The following HS3ST4 variants were observed in gnomAD, a reference collection of about 807,000 sequenced individuals.
The protein encoded by HS3ST4 is heparan sulfate glucosamine 3-O-sulfotransferase 4.
HS3ST4 carries 17 observed loss-of-function variants against 29.2 expected under a neutral mutation model. The observed-to-expected ratio is 0.58, with a 90% CI of 0.40 to 0.87. HS3ST4 has a LOEUF of 0.87. Ranked by LOEUF, HS3ST4 falls within the 40% of genes least tolerant of loss-of-function variation. HS3ST4 has a pLI of 0.00. For synonymous variants in HS3ST4, 314 were observed against 285.7 expected (o/e 1.10, Z -1.00); for missense variants, 627 against 634.5 (o/e 0.99, Z 0.13).
In HS3ST4 at chr16:26,005,369, G is replaced by A. The variant is rs141225127; in HGVS notation, c.735-130243G>A. ...AATCAATATGTGTATTTAGCGCTGG[G>A]CTTTATTTCCACACTAAGTGACGGG... On this transcript the variant is annotated intron_variant, in intron 1 of 1. Coordinates refer to ENST00000331351, the MANE Select transcript of HS3ST4 (RefSeq NM_006040.3). Among the ~76,000 whole-genome samples, 11 of 152,246 alleles carry A rather than the reference G, an allele frequency of 7.2e-5. No individual in the cohort carries two copies. The East Asian group carries it at 2.1e-3, about 29-fold the overall frequency.
chr16:26,115,571 T>C (rs1433582287), intron 1 of HS3ST4, among the ~76,000 whole-genome samples: 1 of 152,000 alleles, frequency 6.6e-6, no homozygotes, highest in Non-Finnish European at 1.5e-5. Context: ...CATTTGGACC[T>C]GGAAAAAGAA....
intron 1 of HS3ST4, among the ~76,000 whole-genome samples, chr16:25,717,903 T>G (rs189122093): frequency 3.4e-4 from 51 of 152,144 alleles, no homozygotes; most frequent in Admixed American, 2.3e-3. Context: ...GGAAAAACAT[T>G]TCTGGTGGCT....
chr16:26,065,731 G>T (rs1275030350), intron 1 of HS3ST4, among the ~76,000 whole-genome samples: 1 of 152,180 alleles, frequency 6.6e-6, no homozygotes, highest in Non-Finnish European at 1.5e-5. Context: ...GAGGCAAAAT[G>T]ATGTGCATGA....
At chr16:26,018,669 G>A (rs955837728) in intron 1 of HS3ST4, among the ~76,000 whole-genome samples, 1 of 152,086 alleles carries the variant, frequency 6.6e-6, no homozygotes, top group African/African-American at 2.4e-5. Flanking sequence ...CTACTTTTGA[G>A]CATTTAACAT....
chr16:25,853,390 T>G (rs1001557387), intron 1 of HS3ST4, among the ~76,000 whole-genome samples: 5 of 152,118 alleles, frequency 3.3e-5, no homozygotes, highest in Admixed American at 2.6e-4. Flanking sequence ...GCGTTTAATT[T>G]CTTTCTTTCT....
intron 1 of HS3ST4, among the ~76,000 whole-genome samples, chr16:25,773,495 C>T (rs151283546): frequency 0.012 from 1,901 of 152,188 alleles, 19 homozygotes; most frequent in East Asian, 0.048. Flanking sequence ...CTCATAAACC[C>T]CTTTAACTCT....
At position 25,926,297 on chromosome 16, in the gene HS3ST4, C is replaced by T. The variant is rs75019776; in HGVS notation, c.735-209315C>T. Among the ~76,000 whole-genome samples the T allele has an allele frequency of 4.0e-3, 612 of 152,308 alleles. 5 individuals are homozygous for T. The highest frequency in any genetic ancestry group is 0.014 in the African/African-American group (587 of 41,562). On this transcript the variant is annotated intron_variant, in intron 1 of 1. Transcript: ENST00000331351. Reference sequence around the variant, plus strand: ...TTCACCTCTCCGAACACTGGGACTCCCCCTGGCAGTAATTCTGCCCTGTGA... The same window carrying T: ...TTCACCTCTCCGAACACTGGGACTCTCCCTGGCAGTAATTCTGCCCTGTGA...
chr16:26,055,206 G>A (rs1898392979), intron 1 of HS3ST4, among the ~76,000 whole-genome samples: 2 of 152,032 alleles, frequency 1.3e-5, no homozygotes, highest in Admixed American at 6.6e-5. Context: ...CAGAGAGGAA[G>A]GCACAGGATT....
intron 1 of HS3ST4, among the ~76,000 whole-genome samples, chr16:26,102,332 T>C (rs1163322290): frequency 6.6e-6 from 1 of 152,164 alleles, no homozygotes; most frequent in African/African-American, 2.4e-5. Flanking sequence ...CTTCTGATAT[T>C]TCTTCCCTAC....
At chr16:25,955,817 CTTTTT>C (rs67504831) in intron 1 of HS3ST4, among the ~76,000 whole-genome samples, 2 of 142,168 alleles carry the variant, frequency 1.4e-5, no homozygotes, top group African/African-American at 5.3e-5. Context: ...GTGATGTATA[CTTTTT>C]TTTTTTTTTT....
intron 1 of HS3ST4, among the ~76,000 whole-genome samples, chr16:25,807,139 A>AT (rs935009939): frequency 2.6e-5 from 4 of 151,936 alleles, no homozygotes; most frequent in African/African-American, 9.7e-5. Flanking sequence ...TGCCTGGCTA[A>AT]TTTTTTATAT....
chr16:25,902,852 C>T (rs73515369), intron 1 of HS3ST4, among the ~76,000 whole-genome samples: 6,295 of 152,014 alleles, frequency 0.041, 445 homozygotes, highest in African/African-American at 0.14. Flanking sequence ...AATTCCAGCA[C>T]CTTAGGAGGC....
intron 1 of HS3ST4, among the ~76,000 whole-genome samples, chr16:25,894,399 G>A (rs1238319997): frequency 6.6e-6 from 1 of 152,138 alleles, no homozygotes; most frequent in Non-Finnish European, 1.5e-5. Context: ...AAGCAGATCC[G>A]AAAGCAGAGT....
intron 1 of HS3ST4, among the ~76,000 whole-genome samples, chr16:25,911,506 T>G (rs1028850950): frequency 9.9e-5 from 14 of 140,940 alleles, no homozygotes; most frequent in Non-Finnish European, 2.2e-4. Context: ...GTTTTTTTTT[T>G]TTTTTTTTTT....
intron 1 of HS3ST4, among the ~76,000 whole-genome samples, chr16:26,085,661 A>G (rs1457050006): frequency 6.6e-6 from 1 of 152,126 alleles, no homozygotes; most frequent in Non-Finnish European, 1.5e-5. Context: ...TCTTGAGATC[A>G]TGACTTCAAG....
At chr16:25,909,653 T>C (rs1034526094) in intron 1 of HS3ST4, among the ~76,000 whole-genome samples, 2 of 152,226 alleles carry the variant, frequency 1.3e-5, no homozygotes, top group Admixed American at 6.5e-5. Flanking sequence ...GGTGAATGTT[T>C]AACTGAGATC....
chr16:26,062,437 T>A (rs1400132340), intron 1 of HS3ST4, among the ~76,000 whole-genome samples: 1 of 152,298 alleles, frequency 6.6e-6, no homozygotes, highest in East Asian at 1.9e-4. Context: ...TCTGCCATGA[T>A]AACATATTGG....
At chr16:26,071,177 T>C (rs1038371409) in intron 1 of HS3ST4, among the ~76,000 whole-genome samples, 4 of 152,158 alleles carry the variant, frequency 2.6e-5, no homozygotes, top group Non-Finnish European at 5.9e-5. Context: ...CCACAAACCC[T>C]GGAGATGCAA....
At chr16:26,098,479 C>G (rs1275808781) in intron 1 of HS3ST4, among the ~76,000 whole-genome samples, 1 of 152,102 alleles carries the variant, frequency 6.6e-6, no homozygotes, top group African/African-American at 2.4e-5. Context: ...CAAACTATCA[C>G]AAGGACAGAA....
Sources: gnomAD v4.1 joint callset for allele counts (sites outside exome capture counted in the v4.1 genomes callset) on GRCh38, gnomAD v4.1.1 for gene constraint, MANE v1.5 for transcripts, NCBI Gene and HGNC (gene_info 2026-07-23, HGNC 2026-07-21) for gene names.